The following GRID2 variants were observed in gnomAD, a reference collection of about 807,000 sequenced individuals.
GRID2 encodes glutamate ionotropic receptor delta type subunit 2.
Under a neutral mutation model 114.8 loss-of-function variants are expected in GRID2, and 33 were observed. The ratio of observed to expected loss-of-function variants is 0.29; its 90% confidence interval spans 0.22 to 0.38. The LOEUF (loss-of-function observed/expected upper bound fraction) is 0.38, where lower values mean the gene tolerates loss of function less well. GRID2 is among the 10% of genes least tolerant of loss of function. The pLI is 1.00. For synonymous variants in GRID2, 505 were observed against 449.9 expected, an observed-to-expected ratio of 1.12 and a Z score of -1.55; for missense variants, 1,184 against 1,257.7, an observed-to-expected ratio of 0.94 and a Z score of 0.89.
At chr4:93,433,686 A>G (rs1308928777) in intron 10 of GRID2, among the ~76,000 whole-genome samples, 1 of 152,210 alleles carries the variant, frequency 6.6e-6, no homozygotes, top group Non-Finnish European at 1.5e-5. Flanking sequence ...TAGTCATGAC[A>G]CTTGGCTGAT....
intron 2 of GRID2, among the ~76,000 whole-genome samples, chr4:93,017,333 A>T (rs982138600): frequency 6.6e-6 from 1 of 152,204 alleles, no homozygotes; most frequent in African/African-American, 2.4e-5. Context: ...TATGTAGTTG[A>T]CAGGGTAGCC....
chr4:93,499,799 T>C (rs949722498), intron 12 of GRID2, among the ~76,000 whole-genome samples: 6 of 151,944 alleles, frequency 3.9e-5, no homozygotes, highest in African/African-American at 1.4e-4. Context: ...GTTTTCTAAA[T>C]ACTTTGCATG....
At chr4:93,083,528 C>T (rs1200063955) in intron 2 of GRID2, among the ~76,000 whole-genome samples, 4 of 151,628 alleles carry the variant, frequency 2.6e-5, no homozygotes, top group Non-Finnish European at 5.9e-5. Flanking sequence ...TCCGTCTCTA[C>T]TAAAAACACA....
intron 2 of GRID2, among the ~76,000 whole-genome samples, chr4:92,648,295 C>T (rs1382488101): frequency 6.7e-6 from 1 of 149,478 alleles, no homozygotes; most frequent in Non-Finnish European, 1.5e-5. Context: ...CATACGGGTG[C>T]ATCCCCAAAT....
chr4:93,596,240 G>A lies in GRID2; in HGVS notation c.2194-30029G>A, dbSNP rs78038327. 5.0e-4 allele frequency among the ~76,000 whole-genome samples: 76 copies of A among 152,156 alleles called. No homozygotes were observed. The East Asian group carries it at 0.014, about 27-fold the overall frequency. ...TACAATAAATTCTTCTTAGGCTATC[G>A]CTAATAATATTTCTAATACCCCAAT... On this transcript the variant is annotated intron_variant, in intron 13 of 15. Transcript: ENST00000282020.
chr4:92,558,341 A>C (rs1726957967), intron 1 of GRID2, among the ~76,000 whole-genome samples: 1 of 152,094 alleles, frequency 6.6e-6, no homozygotes. Context: ...TAATCAAAAA[A>C]CTTCAGTACT....
At chr4:92,866,922 C>A (rs1744911575) in intron 2 of GRID2, among the ~76,000 whole-genome samples, 1 of 152,040 alleles carries the variant, frequency 6.6e-6, no homozygotes, top group African/African-American at 2.4e-5. Context: ...GAATGCTAAC[C>A]CCTGGCATTC....
intron 2 of GRID2, among the ~76,000 whole-genome samples, chr4:92,929,367 C>T (rs1750058318): frequency 6.6e-6 from 1 of 151,028 alleles, no homozygotes. Flanking sequence ...TTTTATATAA[C>T]ACCTATATTT....
chr4:93,124,805 A>G (rs938496557), intron 4 of GRID2, among the ~76,000 whole-genome samples: 3 of 152,150 alleles, frequency 2.0e-5, no homozygotes, highest in South Asian at 2.1e-4. Flanking sequence ...ATTAAGGTCA[A>G]TTTGCTTTTC....
intron 8 of GRID2, among the ~76,000 whole-genome samples, chr4:93,335,694 C>CTTTTTTTTTTTTTTTTT (rs55823712): frequency 7.1e-5 from 10 of 141,720 alleles, no homozygotes; most frequent in African/African-American, 2.4e-4. Context: ...TTTCTTCTTT[C>CTTTTTTTTTTTTTTTTT]TTTTTTTTTT....
chr4:93,089,745 G>T (rs1438493856), intron 3 of GRID2, among the ~76,000 whole-genome samples: 2 of 152,114 alleles, frequency 1.3e-5, no homozygotes. Context: ...TATCCTATTT[G>T]CAAGCTAGCA....
At chr4:93,077,566 CATATA>C (rs1326687969) in intron 2 of GRID2, among the ~76,000 whole-genome samples, 1 of 152,094 alleles carries the variant, frequency 6.6e-6, no homozygotes, top group Non-Finnish European at 1.5e-5. Context: ...TAAAGACAGA[CATATA>C]ATATGATCTG....
chr4:93,028,368 T>C (rs997639644), intron 2 of GRID2, among the ~76,000 whole-genome samples: 3 of 152,034 alleles, frequency 2.0e-5, no homozygotes, highest in Non-Finnish European at 4.4e-5. Flanking sequence ...AGTAGGGTGC[T>C]AGGTGTATCC....
chr4:93,544,795 A>T (rs866289386), intron 13 of GRID2, among the ~76,000 whole-genome samples: 1 of 151,804 alleles, frequency 6.6e-6, no homozygotes, highest in African/African-American at 2.4e-5. Flanking sequence ...AAAAAAAGAA[A>T]AAAAGAAAAA....
chr4:93,775,896 TA>T (rs1465766255), downstream of GRID2, among the ~76,000 whole-genome samples: 2 of 152,236 alleles, frequency 1.3e-5, no homozygotes, highest in Non-Finnish European at 2.9e-5. Flanking sequence ...ACTGAATAAA[TA>T]CTTTTAAAAA....
intron 2 of GRID2, among the ~76,000 whole-genome samples, chr4:92,794,901 TATATACAC>T (rs1739782690): frequency 7.3e-6 from 1 of 136,720 alleles, no homozygotes; most frequent in Non-Finnish European, 1.6e-5. Context: ...TATATATATA[TATATACAC>T]ACACACACAC....
intron 1 of GRID2, among the ~76,000 whole-genome samples, chr4:93,803,557 A>C (rs1480292183): frequency 6.6e-6 from 1 of 151,986 alleles, no homozygotes; most frequent in Non-Finnish European, 1.5e-5. Context: ...CCGTGTCTCT[A>C]CTAAAAATAC....
intron 1 of GRID2, among the ~76,000 whole-genome samples, chr4:92,548,775 CATATTCTGGGG>C (rs1726415468): frequency 1.3e-5 from 2 of 152,020 alleles, no homozygotes; most frequent in South Asian, 4.1e-4. Flanking sequence ...AGCATCTGGT[CATATTCTGGGG>C]ACACCTTAGG....
chr4:93,679,103 A>C (rs932922994), intron 14 of GRID2, among the ~76,000 whole-genome samples: 25 of 151,216 alleles, frequency 1.7e-4, no homozygotes, highest in Admixed American at 1.3e-4. Flanking sequence ...CAAATGGAAA[A>C]TAAAAAAAGT....
Sources: gnomAD v4.1 joint callset for allele counts (sites outside exome capture counted in the v4.1 genomes callset) on GRCh38, gnomAD v4.1.1 for gene constraint, MANE v1.5 for transcripts, NCBI Gene and HGNC (gene_info 2026-07-23, HGNC 2026-07-21) for gene names.